The following SAXO1 variants were observed in gnomAD, a reference collection of about 807,000 sequenced individuals.
The protein encoded by SAXO1 is stabilizer of axonemal microtubules 1, also known as 4930500O09Rik.
A neutral mutation model predicts 17.5 loss-of-function variants in SAXO1; 21 were observed. The observed-to-expected ratio is 1.20, with a 90% CI of 0.85 to 1.72. The LOEUF (loss-of-function observed/expected upper bound fraction) is 1.72, where lower values mean the gene tolerates loss of function less well. SAXO1 is among the 40% of genes most tolerant of loss of function. The pLI is 0.00. For synonymous variants in SAXO1, 274 were observed against 216.5 expected (o/e 1.27, Z -2.33); for missense variants, 843 against 596.0 (o/e 1.41, Z -4.32).
At chr9:18,950,010 C>A (rs901158607) in intron 2 of SAXO1, among the ~76,000 whole-genome samples, 2 of 152,116 alleles carry the variant, frequency 1.3e-5, no homozygotes, top group African/African-American at 4.8e-5. Flanking sequence ...AAAGATGTTT[C>A]CACTCTACTA....
At chr9:19,000,206 G>A (rs1487781033) in intron 1 of SAXO1, among the ~76,000 whole-genome samples, 2 of 146,432 alleles carry the variant, frequency 1.4e-5, no homozygotes, top group Non-Finnish European at 3.0e-5. Context: ...GCCTCCACCC[G>A]GTCGCCCAAA....
At chr9:18,992,528 A>G (rs1465036337) in intron 1 of SAXO1, among the ~76,000 whole-genome samples, 1 of 152,190 alleles carries the variant, frequency 6.6e-6, no homozygotes, top group Non-Finnish European at 1.5e-5. Flanking sequence ...AGGCTGGAGC[A>G]TTAGGACTTC....
intron 1 of SAXO1, chr9:19,027,879 ACCGCAAGATCGAGTGCCTGGG>A (rs1043366773): frequency 5.1e-6 from 7 of 1,371,632 alleles, no homozygotes; most frequent in African/African-American, 1.4e-5. Flanking sequence ...GGCGGCCTGG[ACCGCAAGATCGAGTGCCTGGG>A]CCAGAATCAT....
intron 1 of SAXO1, among the ~76,000 whole-genome samples, chr9:18,998,381 T>A (rs978232881): frequency 6.6e-6 from 1 of 151,962 alleles, no homozygotes; most frequent in African/African-American, 2.4e-5. Flanking sequence ...AAAGATCAAA[T>A]TAATCAAATA....
intron 1 of SAXO1, among the ~76,000 whole-genome samples, chr9:18,994,836 G>A (rs1833942106): frequency 6.6e-6 from 1 of 152,222 alleles, no homozygotes; most frequent in African/African-American, 2.4e-5. Flanking sequence ...TAATCTCAGT[G>A]CCTGGGGGCC....
chr9:19,026,664 G>A (rs1419979141), intron 1 of SAXO1, among the ~76,000 whole-genome samples: 1 of 152,138 alleles, frequency 6.6e-6, no homozygotes, highest in Non-Finnish European at 1.5e-5. Flanking sequence ...GGGACCCACA[G>A]TAAGATAATA....
Position 18,928,125 on chromosome 9 carries a change from G to C in SAXO1, c.1352C>G (p.Ser451Cys), listed in dbSNP as rs756626918. 5 of 1,614,178 alleles carry C rather than the reference G, an allele frequency of 3.1e-6. No individual in the cohort carries two copies. The highest frequency in any genetic ancestry group is 2.7e-5 in the African/African-American group (2 of 75,052). The stretch of plus-strand genomic sequence containing the variant: ...TACAGAAAGATGGCTGCTCTGCTGA[G>C]AGCCTGCCTGGGAAACTGGTTTGTA... ...RIYKPVSQAG[S>C]QQSSHLSVDD... The change falls in exon 4 of 4, where the codon TCT becomes TGT. Residue 451 changes from serine (S) to cysteine (C), a missense_variant. Physicochemically the swap from Ser to Cys is moderately radical, Grantham distance 112. Transcript: ENST00000380534.
At chr9:19,006,619 G>A (rs1040585027) in intron 1 of SAXO1, among the ~76,000 whole-genome samples, 1 of 152,190 alleles carries the variant, frequency 6.6e-6, no homozygotes, top group African/African-American at 2.4e-5. Flanking sequence ...TGGGAGGGAG[G>A]GGTAATGGGA....
intron 1 of SAXO1, among the ~76,000 whole-genome samples, chr9:18,977,993 CAAAAAAAAAAAAAAAAAAAAAAA>C (rs371914686): frequency 1.0e-5 from 1 of 98,662 alleles, no homozygotes; most frequent in South Asian, 3.5e-4. Context: ...GAGACCCTGC[CAAAAAAAAAAAAAAAAAAAAAAA>C]AAAAAAAAGT....
intron 1 of SAXO1, among the ~76,000 whole-genome samples, chr9:19,020,502 C>A (rs961451545): frequency 6.6e-6 from 1 of 152,120 alleles, no homozygotes; most frequent in Non-Finnish European, 1.5e-5. Flanking sequence ...CAGGCACGCA[C>A]CACCATAACC....
chr9:18,966,970 G>C (rs573625574), intron 1 of SAXO1, among the ~76,000 whole-genome samples: 1 of 152,322 alleles, frequency 6.6e-6, no homozygotes, highest in Admixed American at 6.5e-5. Flanking sequence ...ATTGCTTTCT[G>C]TTTGTTAGTT....
intron 1 of SAXO1, among the ~76,000 whole-genome samples, chr9:18,990,071 A>C (rs555555553): frequency 6.6e-6 from 1 of 152,292 alleles, no homozygotes; most frequent in East Asian, 1.9e-4. Flanking sequence ...GGATTAAGCA[A>C]CTGGCCCAAT....
chr9:18,955,372 C>T (rs577183442), intron 1 of SAXO1, among the ~76,000 whole-genome samples: 2 of 152,294 alleles, frequency 1.3e-5, no homozygotes, highest in African/African-American at 4.8e-5. Flanking sequence ...TCCAGTGTGT[C>T]TTGTACATTT....
At chr9:19,034,083 C>T (rs967260216), upstream of SAXO1, among the ~76,000 whole-genome samples, 4 of 152,208 alleles carry the variant, frequency 2.6e-5, no homozygotes, top group African/African-American at 9.6e-5. Context: ...AAAGACACTG[C>T]TCTGGCCAGT....
intron 1 of SAXO1, among the ~76,000 whole-genome samples, chr9:18,991,151 G>C (rs1251712057): frequency 6.6e-6 from 1 of 152,082 alleles, no homozygotes; most frequent in Non-Finnish European, 1.5e-5. Context: ...CCAGCTGCTC[G>C]AGAGGCTGAG....
At chr9:19,033,644 A>C (rs7036182), upstream of SAXO1, among the ~76,000 whole-genome samples, 72,962 of 152,180 alleles carry the variant, frequency 0.48, 19,065 homozygotes, top group African/African-American at 0.7. Flanking sequence ...TGCGCTCTTG[A>C]GAACACAGTG....
intron 1 of SAXO1, among the ~76,000 whole-genome samples, chr9:19,042,036 A>T (rs914271319): frequency 6.6e-6 from 1 of 152,226 alleles, no homozygotes; most frequent in African/African-American, 2.4e-5. Flanking sequence ...ATATTTGCAA[A>T]CTACCCATCT....
chr9:18,966,986 T>C (rs1044170304), intron 1 of SAXO1, among the ~76,000 whole-genome samples: 4 of 152,220 alleles, frequency 2.6e-5, no homozygotes, highest in African/African-American at 9.7e-5. Flanking sequence ...TAGTTTTCCT[T>C]CTAATAGTCA....
intron 1 of SAXO1, among the ~76,000 whole-genome samples, chr9:19,000,331 C>T (rs1389262430): frequency 6.6e-6 from 1 of 151,192 alleles, no homozygotes; most frequent in Non-Finnish European, 1.5e-5. Context: ...TGCCCAGCCA[C>T]CACCCTGTCT....
Sources: allele counts gnomAD v4.1 joint callset (sites outside exome capture counted in the v4.1 genomes callset), GRCh38; gene constraint gnomAD v4.1.1; transcripts MANE v1.5; gene names NCBI Gene and HGNC (gene_info 2026-07-23, HGNC 2026-07-21).